MMEL1: variants seen among roughly 807,000 people sequenced by gnomAD.
The protein encoded by MMEL1 is membrane metalloendopeptidase like 1.
In MMEL1, 98 loss-of-function variants were observed where a neutral mutation model predicts 117.1. The observed-to-expected ratio is 0.84, with a 90% CI of 0.71 to 0.99. The LOEUF (loss-of-function observed/expected upper bound fraction) is 0.99, where lower values mean the gene tolerates loss of function less well. MMEL1 is among the 50% of genes least tolerant of loss of function. MMEL1 has a pLI of 0.00. For missense variants in MMEL1, 1,014 were observed against 1,049.1 expected (o/e 0.97, Z 0.46); for synonymous variants, 390 against 415.1 (o/e 0.94, Z 0.74).
intron 6 of MMEL1, among the ~76,000 whole-genome samples, chr1:2,608,512 CACATATACACACAT>C (rs1351618117): frequency 6.9e-6 from 1 of 144,894 alleles, no homozygotes; most frequent in Non-Finnish European, 1.5e-5. Flanking sequence ...ACACACATAA[CACATATACACACAT>C]ACACATACAC....
chr1:2,626,175 A>G (rs1291258775), intron 2 of MMEL1, among the ~76,000 whole-genome samples: 3 of 152,200 alleles, frequency 2.0e-5, no homozygotes, highest in African/African-American at 7.2e-5. Context: ...GCTGTAGCCA[A>G]TGGTTTGGCT....
Position 2,605,546 on chromosome 1 carries a change from G to T in MMEL1, c.816+12C>A. 1 of 1,610,468 alleles carries T rather than the reference G, an allele frequency of 6.2e-7. No homozygotes were observed. Among genetic ancestry groups the T allele is most frequent in the Non-Finnish European group, 8.5e-7 (1 of 1,177,726 alleles). ...GGGGGGTCATCTGGCATTGCGGTGA[G>T]GACCCACCCACCTTCCGGTTGCTGC... On this transcript the variant is annotated intron_variant, in intron 9 of 23. Transcript: ENST00000378412.
chr1:2,619,014 G>T (rs1032743501), intron 2 of MMEL1, among the ~76,000 whole-genome samples: 1 of 152,148 alleles, frequency 6.6e-6, no homozygotes, highest in African/African-American at 2.4e-5. Context: ...TCTTGACTGT[G>T]CGTGGCCCAA....
At chr1:2,620,435 C>G (rs1357483402) in intron 2 of MMEL1, among the ~76,000 whole-genome samples, 3 of 152,194 alleles carry the variant, frequency 2.0e-5, no homozygotes, top group African/African-American at 7.2e-5. Flanking sequence ...CCAAACTTGT[C>G]TGATCACAAG....
intron 20 of MMEL1, 37 bp from the exon 21 acceptor site, chr1:2,592,757 CT>C (rs762589021): frequency 7.5e-6 from 12 of 1,610,450 alleles, no homozygotes; most frequent in Non-Finnish European, 9.3e-6. Flanking sequence ...AGCCCCGGCC[CT>C]GACTTCCCTC....
At position 2,596,746 on chromosome 1, in the gene MMEL1, C is replaced by T. The variant is rs569893985; in HGVS notation, c.1273-57G>A. The T allele has an allele frequency of 2.8e-5, 45 of 1,599,760 alleles. 1 individual carries two copies. Among genetic ancestry groups the T allele is most frequent in the Admixed American group, 1.2e-4 (7 of 59,438 alleles). ...CCCACGTCAGCCTTCCCAGGCCTGG[C>T]GTGGGGCCCTGGGCTTACGGGGTGA... On this transcript the variant is annotated intron_variant, in intron 13 of 23. Coordinates refer to ENST00000378412, the MANE Select transcript of MMEL1 (RefSeq NM_033467.4).
intron 2 of MMEL1, among the ~76,000 whole-genome samples, chr1:2,614,950 G>A (rs1645180172): frequency 6.6e-6 from 1 of 151,692 alleles, no homozygotes; most frequent in Admixed American, 6.6e-5. Context: ...TACATCAGAG[G>A]GTCATAGAAG....
chr1:2,628,685 CG>C (rs1028180056), intron 2 of MMEL1, among the ~76,000 whole-genome samples: 46 of 18,138 alleles, frequency 2.5e-3, no homozygotes, highest in Admixed American at 9.3e-3. Context: ...GGCGTGGGGG[CG>C]GGGGGAGTGT....
chr1:2,617,254 C>T (rs1412639139), intron 2 of MMEL1, among the ~76,000 whole-genome samples: 2 of 151,868 alleles, frequency 1.3e-5, no homozygotes, highest in Non-Finnish European at 2.9e-5. Flanking sequence ...GGTGAAACCC[C>T]GTCTCTACTA....
chr1:2,598,090 C>A, intron 13 of MMEL1, 117 bp downstream of exon 13: 2 of 988,158 alleles, frequency 2.0e-6, no homozygotes, highest in Non-Finnish European at 3.1e-6. Context: ...CCTCGCCCTG[C>A]CTCGTCCATG....
intron 18 of MMEL1, 199 bp from the exon 19 acceptor site, chr1:2,594,132 C>T: frequency 1.3e-6 from 1 of 797,138 alleles, no homozygotes; most frequent in Non-Finnish European, 1.9e-6. Flanking sequence ...CCCAGGACCT[C>T]AGTCCGGCCT....
chr1:2,622,796 A>C (rs1645309248), intron 2 of MMEL1, among the ~76,000 whole-genome samples: 1 of 151,514 alleles, frequency 6.6e-6, no homozygotes, highest in Non-Finnish European at 1.5e-5. Flanking sequence ...GAGGCAGGAG[A>C]ATCGCTTGAA....
rs375440241 is a variant in MMEL1, at chr1:2,594,760, C to A, written c.1688+30G>T. 120 of 1,581,712 alleles carry A rather than the reference C, an allele frequency of 7.6e-5. No individual in the cohort carries two copies. The African/African-American group carries it at 1.3e-3, about 17-fold the overall frequency. On this transcript the variant is annotated intron_variant, in intron 17 of 23. Coordinates refer to ENST00000378412, the MANE Select transcript of MMEL1 (RefSeq NM_033467.4). ...TTACTGGCCACTCCCTGGCCCCCCC[C>A]GCCCATGCCGCACCAGCGATGCCAC...
intron 6 of MMEL1, among the ~76,000 whole-genome samples, chr1:2,608,881 T>C (rs990492794): frequency 4.0e-5 from 6 of 150,488 alleles, no homozygotes; most frequent in African/African-American, 1.5e-4. Flanking sequence ...AAACCACATG[T>C]AACATATATA....
intron 9 of MMEL1, 102 bp downstream of exon 9, chr1:2,605,456 C>T (rs1029752045): frequency 9.7e-7 from 1 of 1,028,882 alleles, no homozygotes; most frequent in Non-Finnish European, 1.5e-6. Context: ...CTCACTAACA[C>T]CAGCTTCGGG....
chr1:2,598,921 A>G (rs1644889302), intron 11 of MMEL1, 131 bp from the exon 12 acceptor site: 2 of 741,838 alleles, frequency 2.7e-6, no homozygotes, highest in African/African-American at 1.8e-5. Context: ...AATCAGAATC[A>G]GGAAAGGGTG....
At position 2,596,547 on chromosome 1, in the gene MMEL1, T is replaced by C. The variant is rs377209234; in HGVS notation, c.1401+14A>G. On this transcript the variant is annotated intron_variant, in intron 14 of 23. Coordinates refer to ENST00000378412, the MANE Select transcript of MMEL1 (RefSeq NM_033467.4). ...AGGCTGGCCCCGCGTGGGCCATGGATGAGGGGCGCCCACCATGCTCTTGCT... is the reference window on the plus strand; with the variant it reads ...AGGCTGGCCCCGCGTGGGCCATGGACGAGGGGCGCCCACCATGCTCTTGCT... 1.2e-6 allele frequency: 2 copies of C among 1,606,620 alleles called. No homozygotes were observed. Among genetic ancestry groups the C allele is most frequent in the African/African-American group, 2.7e-5 (2 of 74,872 alleles).
Position 2,591,973 on chromosome 1 carries a change from C to A in MMEL1, c.2122G>T (p.Asp708Tyr). 6.2e-7 allele frequency: 1 copy of A among 1,613,342 alleles called. No homozygotes were observed. Among genetic ancestry groups the A allele is most frequent in the African/African-American group, 1.3e-5 (1 of 75,006 alleles). The stretch of plus-strand genomic sequence containing the variant: ...AAGAAGAGCTGCTCATGGGTGAGAT[C>A]CAGGCCGGGCAGCTGCTGGTCCTTG... ...GGKDQQLPGL[D>Y]LTHEQLFFIN... The change falls in exon 22 of 24, where the codon GAT becomes TAT. Residue 708 changes from aspartate (D) to tyrosine (Y), a missense_variant. Coordinates refer to ENST00000378412, the MANE Select transcript of MMEL1 (RefSeq NM_033467.4).
intron 2 of MMEL1, among the ~76,000 whole-genome samples, chr1:2,622,060 AT>A (rs1300392479): frequency 6.6e-6 from 1 of 152,086 alleles, no homozygotes; most frequent in Non-Finnish European, 1.5e-5. Context: ...AGAGGGTCTG[AT>A]TCAGTTGGCA....
Sources: gnomAD v4.1 joint callset for allele counts (sites outside exome capture counted in the v4.1 genomes callset) on GRCh38, gnomAD v4.1.1 for gene constraint, MANE v1.5 for transcripts, NCBI Gene and HGNC (gene_info 2026-07-23, HGNC 2026-07-21) for gene names.